ATRX: variants seen among roughly 807,000 people sequenced by gnomAD.
ATRX encodes the protein ATRX chromatin remodeler, also known as chromatin remodeler ATRX.
ATRX carries 12 observed loss-of-function variants against 172.6 expected under a neutral mutation model. The observed-to-expected ratio is 0.07, with a 90% CI of 0.04 to 0.11. ATRX has a LOEUF of 0.11. ATRX is among the 10% of genes least tolerant of loss of function. The pLI is 1.00. For synonymous variants in ATRX, 674 were observed against 594.7 expected (o/e 1.13, Z -1.94); for missense variants, 1,368 against 1,767.4 (o/e 0.77, Z 4.05).
intron 31 of ATRX, 82 bp downstream of exon 31, chrX:77,523,170 T>C: frequency 9.0e-7 from 1 of 1,111,036 alleles, no homozygotes; most frequent in Non-Finnish European, 1.2e-6. Context: ...TATTACCTGT[T>C]TCAAATGTGA....
chrX:77,616,150 G>A, intron 22 of ATRX: 1 of 780,358 alleles, frequency 1.3e-6, no homozygotes, highest in Non-Finnish European at 1.5e-6. Flanking sequence ...ACTTCTGTTA[G>A]CATTTTGGTG....
At chrX:77,723,859 A>G (rs1221763270) in intron 1 of ATRX, among the ~76,000 whole-genome samples, 2 of 112,270 alleles carry the variant, frequency 1.8e-5, no homozygotes, top group African/African-American at 6.5e-5. Flanking sequence ...TTCCCAAATC[A>G]TAGCAATCAA....
In ATRX at chrX:77,766,564, G is replaced by A. The variant is rs1440560371; in HGVS notation, c.20+19418C>T. 9.9e-5 allele frequency among the ~76,000 whole-genome samples: 10 copies of A among 101,398 alleles called. No homozygotes were observed. In the East Asian group the frequency reaches 2.0e-3, roughly 20 times the overall value. 88.1% of individuals were successfully genotyped at this position (101,398 alleles called of 115,157 possible). Reference sequence around the variant, plus strand: ...GACGGGGTCGCAGCCGGGCAGAGGCGCTCCTCACATCCCAGACGGGGCGGC... The same window carrying A: ...GACGGGGTCGCAGCCGGGCAGAGGCACTCCTCACATCCCAGACGGGGCGGC... On this transcript the variant is annotated intron_variant, in intron 1 of 34. Transcript: ENST00000373344.
chrX:77,581,238 A>G (rs1214943751), intron 27 of ATRX, among the ~76,000 whole-genome samples: 1 of 111,800 alleles, frequency 8.9e-6, no homozygotes, highest in African/African-American at 3.2e-5. Flanking sequence ...CATTCAATGT[A>G]AATGGACTAA....
At chrX:77,746,429 G>C (rs981102064) in intron 1 of ATRX, among the ~76,000 whole-genome samples, 1 of 111,196 alleles carries the variant, frequency 9.0e-6, no homozygotes, top group East Asian at 2.8e-4. Context: ...TATTGTATTT[G>C]AGCATCTTGC....
At chrX:77,546,629 C>A (rs1208023743) in intron 30 of ATRX, among the ~76,000 whole-genome samples, 1 of 111,164 alleles carries the variant, frequency 9.0e-6, no homozygotes, top group Non-Finnish European at 1.9e-5. Context: ...ACAGCTGAGA[C>A]TACAGGTGCA....
At position 77,654,183 on chromosome X, in the gene ATRX, T is replaced by C; in HGVS notation, c.4232A>G (p.Glu1411Gly). Reference protein sequence around the residue: ...RPRTRSAKKAELEENQRSYKQ... With the variant: ...RPRTRSAKKAGLEENQRSYKQ... ...ATAGCTCCGCTGATTTTCTTCCAAC[T>C]CTGCTTTCTTTGCAGACCTGACGAA... is the stretch of plus-strand genomic sequence containing the variant. Residue 1411 changes from glutamate to glycine, a missense_variant, in exon 14 of 35, where the codon GAG becomes GGG. Around this residue, in one of 17 missense-constraint regions of ATRX, gnomAD observed 119 missense variants for 131.3 expected, o/e 0.91. Transcript: ENST00000373344. The C allele has an allele frequency of 8.3e-7, 1 of 1,209,276 alleles. No individual in the cohort carries two copies. Among genetic ancestry groups the C allele is most frequent in the Non-Finnish European group, 1.1e-6 (1 of 893,593 alleles).
chrX:77,654,520 G>A (rs2069442400), intron 13 of ATRX, among the ~76,000 whole-genome samples: 1 of 110,938 alleles, frequency 9.0e-6, no homozygotes, highest in Admixed American at 9.6e-5. Context: ...CTAAAAAAAA[G>A]CAGATTACAA....
At chrX:77,567,744 C>A (rs1169379941) in intron 28 of ATRX, among the ~76,000 whole-genome samples, 1 of 110,919 alleles carries the variant, frequency 9.0e-6, no homozygotes, top group Non-Finnish European at 1.9e-5. Context: ...ATAGAACACT[C>A]CACCCAACAA....
Position 77,683,419 on chromosome X carries a change from C to T in ATRX, c.1837G>A (p.Asp613Asn), listed in dbSNP as rs2148613766. 1 of 1,210,388 alleles carries T rather than the reference C, an allele frequency of 8.3e-7. No individual in the cohort carries two copies. The highest frequency in any genetic ancestry group is 1.1e-6 in the Non-Finnish European group (1 of 894,207). ...TTCAGACCACAACTTTTATAGCCAT[C>T]TTTATCTTGTGGAACTTCCTGACAA... ...ADCQEVPQDK[D>N]GYKSCGLNPK... is the part of the protein sequence containing the mutation. The change falls in exon 9 of 35, where the codon GAT (aspartate) becomes AAT (asparagine). Residue 613 changes from aspartate (D) to asparagine (N), a missense_variant. Physicochemically the swap from Asp to Asn is conservative, Grantham distance 23 (BLOSUM62 1). Around this residue, in one of 17 missense-constraint regions of ATRX, gnomAD observed 843 missense variants for 643.1 expected, o/e 1.31. Coordinates refer to ENST00000373344, the MANE Select transcript of ATRX (RefSeq NM_000489.6).
chrX:77,600,649 A>C, intron 22 of ATRX, 85 bp from the exon 23 acceptor site: 1 of 1,041,628 alleles, frequency 9.6e-7, no homozygotes, highest in Non-Finnish European at 1.3e-6. Flanking sequence ...CTTACTTGTG[A>C]CATAAACACT....
chrX:77,765,768 A>C (rs2075889099), intron 1 of ATRX, among the ~76,000 whole-genome samples: 1 of 107,366 alleles, frequency 9.3e-6, no homozygotes, highest in Admixed American at 1.0e-4. Flanking sequence ...ATAGGACAAT[A>C]GTGGAGGGAA....
intron 11 of ATRX, among the ~76,000 whole-genome samples, chrX:77,664,062 T>C (rs1250043817): frequency 1.3e-4 from 14 of 107,397 alleles, no homozygotes; most frequent in African/African-American, 3.7e-4. Context: ...AATTGCGCTA[T>C]TGCACCCCTG....
At chrX:77,627,062 A>C (rs1448858670) in intron 19 of ATRX, among the ~76,000 whole-genome samples, 1 of 110,645 alleles carries the variant, frequency 9.0e-6, no homozygotes, top group African/African-American at 3.3e-5. Context: ...CGTTTCCACT[A>C]AAAAAATACA....
intron 9 of ATRX, among the ~76,000 whole-genome samples, chrX:77,676,927 G>C (rs1557133891): frequency 9.0e-6 from 1 of 111,703 alleles, no homozygotes; most frequent in African/African-American, 3.3e-5. Flanking sequence ...TTCCAGACCA[G>C]CCTGGCCAAC....
At chrX:77,534,734 C>T (rs1474259832) in intron 30 of ATRX, among the ~76,000 whole-genome samples, 2 of 111,534 alleles carry the variant, frequency 1.8e-5, no homozygotes, top group Admixed American at 9.6e-5. Context: ...TTTAAAACGA[C>T]TAGTTCAATT....
In ATRX at chrX:77,683,727, G is replaced by A. The variant is rs782395967; in HGVS notation, c.1529C>T (p.Ser510Phe). The change falls in exon 9 of 35, where the codon TCT becomes TTT. Residue 510 changes from serine (S) to phenylalanine (F), a missense_variant. Ser to Phe is a radical substitution (Grantham distance 155). Coordinates refer to ENST00000373344, the MANE Select transcript of ATRX (RefSeq NM_000489.6). The stretch of plus-strand genomic sequence containing the variant: ...CACAATATCCATGTCTAAATCTTCA[G>A]AAGTGTTGGCAGGTTCATATTGAGG... ...EEPQYEPANT[S>F]EDLDMDIVSV... 8.3e-7 allele frequency: 1 copy of A among 1,211,125 alleles called. No homozygotes were observed. The highest frequency in any genetic ancestry group is 1.1e-6 in the Non-Finnish European group (1 of 895,191).
chrX:77,579,558 C>A (rs149379236), intron 27 of ATRX, among the ~76,000 whole-genome samples: 393 of 111,895 alleles, frequency 3.5e-3, no homozygotes, highest in African/African-American at 0.012. Flanking sequence ...AATGGTACCT[C>A]TACAAGGCTG....
At chrX:77,750,390 C>T (rs782384577) in intron 1 of ATRX, among the ~76,000 whole-genome samples, 2 of 111,425 alleles carry the variant, frequency 1.8e-5, no homozygotes, top group Non-Finnish European at 3.8e-5. Flanking sequence ...GATACACAAA[C>T]GTATAACACC....
Sources: gnomAD v4.1 joint callset for allele counts (sites outside exome capture counted in the v4.1 genomes callset) on GRCh38, gnomAD v4.1.1 for gene constraint, gnomAD v4.1.1 regional missense constraint, MANE v1.5 for transcripts, NCBI Gene and HGNC (gene_info 2026-07-23, HGNC 2026-07-21) for gene names.